LRRTM4: variants seen among roughly 807,000 people sequenced by gnomAD.
The protein encoded by LRRTM4 is leucine rich repeat transmembrane neuronal 4, also known as leucine-rich repeat transmembrane neuronal protein 4.
Under a neutral mutation model 47.6 loss-of-function variants are expected in LRRTM4, and 25 were observed. The observed-to-expected ratio is 0.53, with a 90% CI of 0.38 to 0.73. The LOEUF is 0.73. Among genes scored for constraint, LRRTM4 ranks in the 30% least tolerant of loss-of-function variants. The pLI, the probability that LRRTM4 is intolerant of heterozygous loss-of-function variation, is 0.00. For missense variants in LRRTM4, 638 were observed against 713.4 expected, an observed-to-expected ratio of 0.89 and a Z score of 1.20; for synonymous variants, 311 against 269.5, an observed-to-expected ratio of 1.15 and a Z score of -1.51.
chr2:76,761,926 AAAT>A (rs1310982096), intron 3 of LRRTM4, among the ~76,000 whole-genome samples: 1 of 152,194 alleles, frequency 6.6e-6, no homozygotes, highest in African/African-American at 2.4e-5. Context: ...CTGACACTGG[AAAT>A]AATAAGCATT....
At chr2:76,839,407 A>C (rs1045874134) in intron 3 of LRRTM4, among the ~76,000 whole-genome samples, 3 of 152,158 alleles carry the variant, frequency 2.0e-5, no homozygotes, top group African/African-American at 7.2e-5. Context: ...TAAGTTCTCT[A>C]ATGGTGATCT....
intron 3 of LRRTM4, among the ~76,000 whole-genome samples, chr2:77,500,717 C>G (rs1029068217): frequency 6.6e-6 from 1 of 151,394 alleles, no homozygotes; most frequent in Admixed American, 6.6e-5. Flanking sequence ...TAAAAAATAA[C>G]GCAATTCCAA....
chr2:77,189,321 CA>C (rs1182266528), intron 3 of LRRTM4, among the ~76,000 whole-genome samples: 2 of 152,156 alleles, frequency 1.3e-5, no homozygotes, highest in Non-Finnish European at 2.9e-5. Flanking sequence ...ATTGCATCCT[CA>C]GCAGTTCTTC....
At chr2:77,268,408 T>C (rs1676108717) in intron 3 of LRRTM4, among the ~76,000 whole-genome samples, 1 of 152,148 alleles carries the variant, frequency 6.6e-6, no homozygotes, top group Admixed American at 6.5e-5. Context: ...CCAAGCCATA[T>C]TGATTTATTC....
intron 3 of LRRTM4, among the ~76,000 whole-genome samples, chr2:77,355,906 A>C (rs1671948487): frequency 6.6e-6 from 1 of 152,216 alleles, no homozygotes; most frequent in South Asian, 2.1e-4. Context: ...CAGCCTGAGC[A>C]ACATGACAAA....
At chr2:77,472,380 C>T (rs1677224382) in intron 3 of LRRTM4, among the ~76,000 whole-genome samples, 1 of 152,046 alleles carries the variant, frequency 6.6e-6, no homozygotes, top group Admixed American at 6.6e-5. Context: ...GATTGATTGA[C>T]AAAAATGTTG....
chr2:77,497,579 A>G (rs147495669), intron 3 of LRRTM4, among the ~76,000 whole-genome samples: 1 of 151,372 alleles, frequency 6.6e-6, no homozygotes, highest in Middle Eastern at 3.2e-3. Flanking sequence ...CTACATCTAC[A>G]TCTATATTCA....
At chr2:76,845,022 C>T in intron 3 of LRRTM4, among the ~76,000 whole-genome samples, 1 of 152,100 alleles carries the variant, frequency 6.6e-6, no homozygotes, top group African/African-American at 2.4e-5. Context: ...ATCCCTGCCA[C>T]AAAAACCTAA....
At chr2:77,497,698 G>A (rs1678418105) in intron 3 of LRRTM4, among the ~76,000 whole-genome samples, 1 of 150,370 alleles carries the variant, frequency 6.7e-6, no homozygotes, top group Admixed American at 6.7e-5. Context: ...TATACATTAT[G>A]TAATTATAAT....
At chr2:77,141,618 T>TA (rs1033080843) in intron 3 of LRRTM4, among the ~76,000 whole-genome samples, 1 of 151,946 alleles carries the variant, frequency 6.6e-6, no homozygotes, top group African/African-American at 2.4e-5. Flanking sequence ...ATTAAAGTAT[T>TA]AAAAAAATGG....
At chr2:77,227,961 GTT>G (rs929603019) in intron 3 of LRRTM4, among the ~76,000 whole-genome samples, 1 of 151,774 alleles carries the variant, frequency 6.6e-6, no homozygotes, top group Non-Finnish European at 1.5e-5. Context: ...TATTTAAAAA[GTT>G]ATTGATTTGT....
At chr2:77,120,940 C>T (rs1396853411) in intron 3 of LRRTM4, among the ~76,000 whole-genome samples, 1 of 151,644 alleles carries the variant, frequency 6.6e-6, no homozygotes, top group African/African-American at 2.4e-5. Flanking sequence ...ATGCAGAACC[C>T]TGAGTGTTTG....
chr2:76,815,042 G>T (rs1670860256), intron 3 of LRRTM4, among the ~76,000 whole-genome samples: 1 of 152,032 alleles, frequency 6.6e-6, no homozygotes, highest in South Asian at 2.1e-4. Context: ...AGACGTGTGT[G>T]GGAGAGAGCT....
intron 3 of LRRTM4, among the ~76,000 whole-genome samples, chr2:76,947,267 T>C (rs1675352252): frequency 6.6e-6 from 1 of 151,866 alleles, no homozygotes; most frequent in Admixed American, 6.6e-5. Flanking sequence ...GTGCCTTCTC[T>C]CATTTAAGTC....
chr2:77,395,172 A>G (rs1488874148), intron 3 of LRRTM4, among the ~76,000 whole-genome samples: 2 of 151,900 alleles, frequency 1.3e-5, no homozygotes, highest in Non-Finnish European at 2.9e-5. Context: ...ATTGCTGGTC[A>G]GTTGTGCCTA....
intron 3 of LRRTM4, among the ~76,000 whole-genome samples, chr2:77,096,550 A>C (rs891323624): frequency 6.6e-6 from 1 of 151,592 alleles, no homozygotes; most frequent in Non-Finnish European, 1.5e-5. Flanking sequence ...CGAGAATAAA[A>C]GACAAAATGA....
intron 3 of LRRTM4, among the ~76,000 whole-genome samples, chr2:77,140,099 CTCTTTGCAGAA>C (rs1672076524): frequency 6.6e-6 from 1 of 152,030 alleles, no homozygotes; most frequent in Admixed American, 6.6e-5. Context: ...ACCAATGACT[CTCTTTGCAGAA>C]TTGGAAAAAG....
At chr2:77,228,887 T>C (rs922193372) in intron 3 of LRRTM4, among the ~76,000 whole-genome samples, 3 of 152,148 alleles carry the variant, frequency 2.0e-5, no homozygotes, top group African/African-American at 4.8e-5. Context: ...ACACATCTGT[T>C]ACCTCTCCTG....
At chr2:76,840,831 T>C (rs1048844375) in intron 3 of LRRTM4, among the ~76,000 whole-genome samples, 1 of 152,100 alleles carries the variant, frequency 6.6e-6, no homozygotes, top group Non-Finnish European at 1.5e-5. Context: ...TTGGTGGGAC[T>C]GTAAACTAGT....
Sources: allele counts gnomAD v4.1 joint callset (sites outside exome capture counted in the v4.1 genomes callset), GRCh38; gene constraint gnomAD v4.1.1; transcripts MANE v1.5; gene names NCBI Gene and HGNC (gene_info 2026-07-23, HGNC 2026-07-21).